Variants in GCSAML observed in about 807,000 individuals in gnomAD.
GCSAML encodes the protein germinal center associated signaling and motility like.
A neutral mutation model predicts 13.0 loss-of-function variants in GCSAML; 9 were observed. The observed-to-expected ratio is 0.69, with a 90% CI of 0.42 to 1.21. The LOEUF (loss-of-function observed/expected upper bound fraction) is 1.21. Among genes scored for constraint, GCSAML ranks in the 50% most tolerant of loss-of-function variants. GCSAML has a pLI of 0.00. For synonymous variants in GCSAML, 37 were observed against 52.9 expected (o/e 0.70, Z 1.31); for missense variants, 143 against 153.4 (o/e 0.93, Z 0.36).
intron 2 of GCSAML, among the ~76,000 whole-genome samples, chr1:247,542,595 C>A (rs1667449537): frequency 6.6e-6 from 1 of 152,190 alleles, no homozygotes; most frequent in Non-Finnish European, 1.5e-5. Context: ...TCAATAAAAT[C>A]TTTAAATTTT....
At chr1:247,533,763 C>T (rs1667106503) in intron 2 of GCSAML, 2 of 152,232 alleles carry the variant, frequency 1.3e-5, no homozygotes, top group African/African-American at 2.4e-5. Context: ...GAAGGCTCCT[C>T]TGTTATGTAA....
At chr1:247,513,538 C>T (rs1408728218) in intron 1 of GCSAML, among the ~76,000 whole-genome samples, 1 of 152,214 alleles carries the variant, frequency 6.6e-6, no homozygotes, top group Non-Finnish European at 1.5e-5. Flanking sequence ...GCTGGCATTC[C>T]AGGCGCCACT....
intron 4 of GCSAML, 116 bp from the exon 5 acceptor site, chr1:247,574,027 A>G (rs879037437): frequency 8.5e-7 from 1 of 1,173,096 alleles, no homozygotes; most frequent in African/African-American, 1.5e-5. Context: ...TGGGTTTTGG[A>G]TACCTTAAGT....
intron 2 of GCSAML, among the ~76,000 whole-genome samples, chr1:247,541,342 T>C (rs1321083166): frequency 6.6e-6 from 1 of 152,158 alleles, no homozygotes; most frequent in Non-Finnish European, 1.5e-5. Context: ...AAGCAGTAGG[T>C]TTGGCCTCCC....
At chr1:247,511,610 T>C (rs545828719) in intron 1 of GCSAML, among the ~76,000 whole-genome samples, 9 of 152,348 alleles carry the variant, frequency 5.9e-5, no homozygotes, top group African/African-American at 1.9e-4. Context: ...TTCTTTATAG[T>C]GTCAACGGAC....
chr1:247,529,459 T>C (rs1666817924), intron 2 of GCSAML: 1 of 152,232 alleles, frequency 6.6e-6, no homozygotes, highest in Non-Finnish European at 1.5e-5. Flanking sequence ...GAAACAATAC[T>C]GTGTAAATAA....
At chr1:247,552,945 G>A (rs959076491) in intron 1 of GCSAML, among the ~76,000 whole-genome samples, 4 of 152,016 alleles carry the variant, frequency 2.6e-5, no homozygotes, top group Admixed American at 6.6e-5. Context: ...TAGTGGAGAC[G>A]GGGTTTCACC....
rs769892254 is a variant in GCSAML at position 247,563,646 on chromosome 1, C to A, written c.139+7C>A. ...CAAGATCAAGATAAGAAAAGTAAGT[C>A]ATGGCTGTATAATATTTTTCATAGT... On this transcript the variant is annotated splice_region_variant and intron_variant, in intron 3 of 4. Transcript: ENST00000366488. 2.0e-6 allele frequency: 3 copies of A among 1,511,172 alleles called. No individual in the cohort carries two copies. The highest frequency in any genetic ancestry group is 3.4e-5 in the Admixed American group (2 of 59,272). 93.6% of individuals were successfully genotyped at this position (1,511,172 alleles called of 1,614,324 possible).
chr1:247,561,159 G>A (rs1668113881), intron 2 of GCSAML, among the ~76,000 whole-genome samples: 1 of 151,932 alleles, frequency 6.6e-6, no homozygotes, highest in African/African-American at 2.4e-5. Flanking sequence ...TTGCCATGTT[G>A]CCCAGTCTGG....
intron 1 of GCSAML, among the ~76,000 whole-genome samples, chr1:247,517,253 T>C (rs1229876000): frequency 6.6e-6 from 1 of 152,224 alleles, no homozygotes; most frequent in African/African-American, 2.4e-5. Flanking sequence ...CCCTGTTCTC[T>C]AGGGCCCCCA....
At chr1:247,569,505 C>T (rs957720588) in intron 4 of GCSAML, among the ~76,000 whole-genome samples, 6 of 152,156 alleles carry the variant, frequency 3.9e-5, no homozygotes, top group South Asian at 2.1e-4. Context: ...TAATAGATTA[C>T]GTTTATTGAT....
chr1:247,562,970 G>C (rs1226914432), intron 2 of GCSAML, among the ~76,000 whole-genome samples: 1 of 150,298 alleles, frequency 6.7e-6, no homozygotes, highest in East Asian at 2.0e-4. Flanking sequence ...CTCCCGAGTA[G>C]TTGGGACTAC....
At chr1:247,531,292 T>A in intron 2 of GCSAML, 3 of 463,238 alleles carry the variant, frequency 6.5e-6, no homozygotes, top group South Asian at 3.4e-5. Flanking sequence ...ACGCAAGGAG[T>A]TTACAAAACA....
chr1:247,546,562 T>C (rs552408943), upstream of GCSAML, among the ~76,000 whole-genome samples: 59 of 151,946 alleles, frequency 3.9e-4, no homozygotes, highest in Middle Eastern at 3.4e-3. Flanking sequence ...AGGGTTTCAC[T>C]GTGTTAGCCA....
intron 1 of GCSAML, among the ~76,000 whole-genome samples, chr1:247,512,395 G>C (rs376114623): frequency 1.4e-4 from 21 of 151,934 alleles, no homozygotes; most frequent in African/African-American, 5.1e-4. Flanking sequence ...GGTTATTCTA[G>C]TTAGCAATTC....
intron 1 of GCSAML, among the ~76,000 whole-genome samples, chr1:247,522,542 T>C (rs751189101): frequency 2.4e-4 from 37 of 152,048 alleles, no homozygotes; most frequent in Admixed American, 5.2e-4. Flanking sequence ...GAGGTAGACA[T>C]AGGAGACTCC....
chr1:247,549,180 C>A lies in GCSAML; in HGVS notation c.-12C>A, dbSNP rs1667682349. ...AAACTCAGGAGCTGAGAAACCGAGT[C>A]ACTGTGAAAAGATGGGAAATTATCT... On this transcript the variant is annotated 5_prime_UTR_variant, in exon 1 of 5. Transcript: ENST00000366488. 2 of 1,614,118 alleles carry A rather than the reference C, an allele frequency of 1.2e-6. No homozygotes were observed. The highest frequency in any genetic ancestry group is 1.1e-5 in the South Asian group (1 of 91,064).
intron 1 of GCSAML, among the ~76,000 whole-genome samples, chr1:247,510,699 C>T (rs1666005398): frequency 6.6e-6 from 1 of 152,046 alleles, no homozygotes; most frequent in South Asian, 2.1e-4. Context: ...GGTACGTTGT[C>T]TTTGTTCTCC....
chr1:247,521,249 A>G (rs1409416488), intron 1 of GCSAML, among the ~76,000 whole-genome samples: 2 of 152,062 alleles, frequency 1.3e-5, no homozygotes, highest in African/African-American at 4.8e-5. Context: ...TTATAACAGG[A>G]TTGATGAGAC....
Sources: allele counts gnomAD v4.1 joint callset (sites outside exome capture counted in the v4.1 genomes callset), GRCh38; gene constraint gnomAD v4.1.1; transcripts MANE v1.5; gene names NCBI Gene and HGNC (gene_info 2026-07-23, HGNC 2026-07-21).